RMDN3: variants seen among roughly 807,000 people sequenced by gnomAD.
The protein encoded by RMDN3 is regulator of microtubule dynamics 3, also known as regulator of microtubule dynamics protein 3.
A neutral mutation model predicts 61.8 loss-of-function variants in RMDN3; 41 were observed. The ratio of observed to expected loss-of-function variants is 0.66; its 90% CI spans 0.52 to 0.86. RMDN3 has a LOEUF of 0.86. RMDN3 is among the 40% of genes least tolerant of loss of function. The pLI, the probability that RMDN3 is intolerant of heterozygous loss-of-function variation, is 0.00. For synonymous variants in RMDN3, 247 were observed against 232.0 expected (o/e 1.06, Z -0.59); for missense variants, 557 against 585.3 (o/e 0.95, Z 0.50).
intron 5 of RMDN3, 109 bp downstream of exon 5, chr15:40,744,868 G>A (rs1897447824): frequency 1.7e-6 from 2 of 1,201,502 alleles, no homozygotes; most frequent in Admixed American, 5.8e-5. Context: ...CTCGTCCCAT[G>A]TCACCTTGTA....
intron 2 of RMDN3, among the ~76,000 whole-genome samples, chr15:40,753,573 A>G (rs545102918): frequency 6.6e-6 from 1 of 152,216 alleles, no homozygotes; most frequent in Non-Finnish European, 1.5e-5. Flanking sequence ...TCTTGCACAA[A>G]GATGGTAGTA....
In RMDN3 at chr15:40,737,955, C is replaced by T. The variant is rs772944423; in HGVS notation, c.1125+10G>A. On this transcript the variant is annotated intron_variant, in intron 9 of 12. Coordinates refer to ENST00000338376, the MANE Select transcript of RMDN3 (RefSeq NM_018145.3). The stretch of plus-strand genomic sequence containing the variant: ...AGGACCATTATGTCAAGCACTGAAA[C>T]GCAGCTTACCTGATAGCACCACCTG... 30 of 1,613,726 alleles carry T rather than the reference C, an allele frequency of 1.9e-5. No homozygotes were observed. The highest frequency in any genetic ancestry group is 5.3e-5 in the African/African-American group (4 of 74,894).
intron 4 of RMDN3, among the ~76,000 whole-genome samples, chr15:40,748,363 G>A (rs765150162): frequency 2.6e-5 from 4 of 152,136 alleles, no homozygotes; most frequent in South Asian, 2.1e-4. Flanking sequence ...GAGAACAGCC[G>A]GCTCAACCAC....
At chr15:40,741,754 G>A (rs973685243) in intron 6 of RMDN3, among the ~76,000 whole-genome samples, 58 of 148,388 alleles carry the variant, frequency 3.9e-4, no homozygotes, top group African/African-American at 1.3e-3. Context: ...TCAGCCTCCC[G>A]AGTAGCTGGG....
chr15:40,737,641 T>C lies in RMDN3; in HGVS notation c.1211A>G (p.Gln404Arg), dbSNP rs1897110334. 7 of 1,614,020 alleles carry C rather than the reference T, an allele frequency of 4.3e-6. No homozygotes were observed. The highest frequency in any genetic ancestry group is 5.9e-6 in the Non-Finnish European group (7 of 1,179,908). The change falls in exon 10 of 13, where the codon CAG (glutamine) becomes CGG (arginine). Residue 404 changes from glutamine (Q) to arginine (R), a missense_variant. Transcript: ENST00000338376. ...CCCCTCTCATACCTTTAGGAAGCTCTGGAGGGCATCTTCCACAGTGGCACT... is the reference window on the plus strand; with the variant it reads ...CCCCTCTCATACCTTTAGGAAGCTCCGGAGGGCATCTTCCACAGTGGCACT... Reference protein sequence around the residue: ...PLSATVEDALQSFLKAEELQP... With the variant: ...PLSATVEDALRSFLKAEELQP...
chr15:40,740,426 G>T (rs954240432), intron 6 of RMDN3, among the ~76,000 whole-genome samples: 4 of 152,114 alleles, frequency 2.6e-5, no homozygotes, highest in Non-Finnish European at 5.9e-5. Context: ...CGGGTAGAGC[G>T]CCTGAGGTCA....
chr15:40,752,483 A>G (rs1897870789), intron 2 of RMDN3, among the ~76,000 whole-genome samples: 1 of 121,724 alleles, frequency 8.2e-6, no homozygotes, highest in Admixed American at 9.3e-5. Context: ...CTGTCCTGCT[A>G]GAGTTAAAAA....
chr15:40,754,279 G>A (rs1368086366), intron 2 of RMDN3, among the ~76,000 whole-genome samples: 1 of 151,966 alleles, frequency 6.6e-6, no homozygotes, highest in Non-Finnish European at 1.5e-5. Flanking sequence ...TACAGGCCGC[G>A]CCACCACGCC....
rs376771038 is a variant in RMDN3, at chr15:40,738,047, G to T, written c.1048-5C>A. On this transcript the variant is annotated splice_polypyrimidine_tract_variant and splice_region_variant and intron_variant, in intron 8 of 12. Coordinates refer to ENST00000338376, the MANE Select transcript of RMDN3 (RefSeq NM_018145.3). ...AATGGCTTTGTCCACATGCTCCTAAGGGGAAAATGTAAATATAAACTAACA... is the reference window on the plus strand; with the variant it reads ...AATGGCTTTGTCCACATGCTCCTAATGGGAAAATGTAAATATAAACTAACA... The T allele has an allele frequency of 6.2e-7, 1 of 1,613,830 alleles. No individual in the cohort carries two copies. Among genetic ancestry groups the T allele is most frequent in the African/African-American group, 1.3e-5 (1 of 74,916 alleles).
intron 8 of RMDN3, 127 bp downstream of exon 8, chr15:40,738,374 T>C: frequency 1.2e-6 from 1 of 843,532 alleles, no homozygotes; most frequent in Non-Finnish European, 1.9e-6. Flanking sequence ...AGAGTGAGAC[T>C]CTGTCTCAAA....
intron 4 of RMDN3, chr15:40,747,723 G>A (rs1398738591): frequency 6.6e-6 from 1 of 152,082 alleles, no homozygotes; most frequent in Non-Finnish European, 1.5e-5. Flanking sequence ...TTCCCACAGT[G>A]GGCCAGAGAC....
chr15:40,736,391 TTAAC>T lies in RMDN3; in HGVS notation c.*146_*149del. On this transcript the variant is annotated 3_prime_UTR_variant, in exon 13 of 13. Transcript: ENST00000338376. ...AGATTAGGTTAGAGGTTAGAATAAA[TTAAC>T]TAATGGGGAGTGGTAGTGGGTAGCA... The T allele has an allele frequency of 1.5e-6, 1 of 664,816 alleles. No individual in the cohort carries two copies. The highest frequency in any genetic ancestry group is 2.6e-6 in the Non-Finnish European group (1 of 377,376). The allele number at this position is 664,816 out of a possible 1,614,324, so 41.2% of individuals were successfully genotyped here.
intron 4 of RMDN3, among the ~76,000 whole-genome samples, chr15:40,746,983 A>G (rs978636951): frequency 1.3e-5 from 2 of 152,236 alleles, no homozygotes; most frequent in Non-Finnish European, 2.9e-5. Context: ...CAGGCAACCT[A>G]GAGAATGAAA....
intron 6 of RMDN3, 149 bp downstream of exon 6, chr15:40,743,898 G>A (rs1897380565): frequency 1.6e-6 from 1 of 609,746 alleles, no homozygotes; most frequent in South Asian, 2.0e-5. Flanking sequence ...GAAAGCAAGG[G>A]TCTTTGGGAG....
chr15:40,755,174 G>A lies in RMDN3; in HGVS notation c.-99C>T. ...CGGCCCCCGAAGGCGCTCTGGCCTG[G>A]CAGGAGATCCACTCAGACCCTTACC... On this transcript the variant is annotated 5_prime_UTR_variant, in exon 1 of 13. Transcript: ENST00000338376. 1 of 170,866 alleles carries A rather than the reference G, an allele frequency of 5.9e-6. No individual in the cohort carries two copies. The highest frequency in any genetic ancestry group is 1.7e-4 in the East Asian group (1 of 6,050). 10.6% of individuals were successfully genotyped at this position (170,866 alleles called of 1,614,324 possible). A position where few individuals can be genotyped will look rare whatever the true frequency, so the allele number is the denominator to read the frequency against.
At chr15:40,752,923 G>C (rs1897889125) in intron 2 of RMDN3, among the ~76,000 whole-genome samples, 1 of 152,148 alleles carries the variant, frequency 6.6e-6, no homozygotes, top group Non-Finnish European at 1.5e-5. Flanking sequence ...AGGAAATCTG[G>C]TAAAAAACTA....
chr15:40,746,585 C>A (rs1227126669), intron 4 of RMDN3, among the ~76,000 whole-genome samples: 1 of 151,434 alleles, frequency 6.6e-6, no homozygotes, highest in African/African-American at 2.4e-5. Context: ...AGAGATGACA[C>A]ACCACCTACA....
intron 12 of RMDN3, 97 bp downstream of exon 12, chr15:40,737,026 TA>T (rs1164365129): frequency 1.0e-6 from 1 of 987,264 alleles, no homozygotes; most frequent in African/African-American, 1.6e-5. Flanking sequence ...ACTAATTTTG[TA>T]ATTTTAGTAG....
At chr15:40,754,102 G>A (rs1004505149) in intron 2 of RMDN3, among the ~76,000 whole-genome samples, 1 of 148,446 alleles carries the variant, frequency 6.7e-6, no homozygotes, top group Admixed American at 6.8e-5. Flanking sequence ...GAGTACAGGC[G>A]AAAGAGTAGA....
Sources: gnomAD v4.1 joint callset for allele counts (sites outside exome capture counted in the v4.1 genomes callset) on GRCh38, gnomAD v4.1.1 for gene constraint, MANE v1.5 for transcripts, NCBI Gene and HGNC (gene_info 2026-07-23, HGNC 2026-07-21) for gene names.